Variants in MAN1C1 observed in about 807,000 individuals in gnomAD.
MAN1C1 encodes mannosidase alpha class 1C member 1, also known as mannosyl-oligosaccharide 1,2-alpha-mannosidase IC.
A neutral mutation model predicts 71.5 loss-of-function variants in MAN1C1; 49 were observed. That is an observed-to-expected ratio of 0.69 (90% CI 0.54 to 0.87). MAN1C1 has a LOEUF of 0.87. Ranked by LOEUF, MAN1C1 falls within the 40% of genes least tolerant of loss-of-function variation. The pLI is 0.00. For missense variants in MAN1C1, 743 were observed against 835.0 expected (o/e 0.89, Z 1.36); for synonymous variants, 352 against 343.7 (o/e 1.02, Z -0.27).
intron 6 of MAN1C1, chr1:25,761,620 C>CTTTTTCT (rs2047359614): frequency 1.0e-5 from 1 of 95,814 alleles, no homozygotes; most frequent in Non-Finnish European, 1.9e-5. Context: ...ACCTCTACTT[C>CTTTTTCT]TTTTTTTTTT....
chr1:25,701,798 G>A (rs2046447571), intron 2 of MAN1C1, among the ~76,000 whole-genome samples: 3 of 152,202 alleles, frequency 2.0e-5, no homozygotes, highest in Admixed American at 6.5e-5. Context: ...AGTGGCTCAC[G>A]CCTGCAATCC....
intron 2 of MAN1C1, among the ~76,000 whole-genome samples, chr1:25,744,483 C>A (rs1474078788): frequency 6.6e-6 from 1 of 152,088 alleles, no homozygotes; most frequent in Non-Finnish European, 1.5e-5. Context: ...TTGGCGAACT[C>A]CCTTCTGGTA....
intron 1 of MAN1C1, among the ~76,000 whole-genome samples, chr1:25,659,327 C>T (rs566652397): frequency 9.2e-5 from 14 of 152,170 alleles, no homozygotes; most frequent in Non-Finnish European, 1.3e-4. Context: ...CCTAGAAATA[C>T]GTCTCACCTG....
intron 1 of MAN1C1, among the ~76,000 whole-genome samples, chr1:25,637,938 TA>T (rs1223030364): frequency 6.6e-6 from 1 of 152,262 alleles, no homozygotes; most frequent in East Asian, 1.9e-4. Flanking sequence ...TCTTTGTATT[TA>T]AAATGTACCT....
At position 25,779,685 on chromosome 1, in the gene MAN1C1, G is replaced by A. The variant is rs576733094; in HGVS notation, c.1478-1255G>A. On this transcript the variant is annotated intron_variant, in intron 9 of 11. Coordinates refer to ENST00000374332, the MANE Select transcript of MAN1C1 (RefSeq NM_020379.4). The surrounding 1 kb of genome is among the most constrained non-coding windows in gnomAD (Gnocchi z 4.6). ...TGGCTCCTGCCTTCACCCCACTAGC[G>A]ACTTGGCAAAATGACTGTTTTCTGA... 7.9e-5 allele frequency among the ~76,000 whole-genome samples: 12 copies of A among 151,220 alleles called. No homozygotes were observed. The East Asian group carries it at 2.0e-3, about 25-fold the overall frequency.
intron 1 of MAN1C1, among the ~76,000 whole-genome samples, chr1:25,624,023 G>A (rs2045256428): frequency 6.6e-6 from 1 of 152,202 alleles, no homozygotes; most frequent in South Asian, 2.1e-4. Flanking sequence ...CAAACAATAA[G>A]CCCTGGTTCT....
chr1:25,704,049 C>T (rs1379570205), intron 2 of MAN1C1, among the ~76,000 whole-genome samples: 5 of 152,200 alleles, frequency 3.3e-5, no homozygotes, highest in Non-Finnish European at 7.3e-5. Flanking sequence ...CTTCTGGCTG[C>T]CTGTCCCTTC....
intron 1 of MAN1C1, among the ~76,000 whole-genome samples, chr1:25,669,246 G>A (rs993133623): frequency 1.3e-5 from 2 of 152,152 alleles, no homozygotes; most frequent in African/African-American, 4.8e-5. Context: ...GAAAATTCTG[G>A]TCTCTTGTTA....
intron 2 of MAN1C1, among the ~76,000 whole-genome samples, chr1:25,688,838 G>A (rs1022186716): frequency 1.3e-5 from 2 of 152,230 alleles, no homozygotes; most frequent in Non-Finnish European, 2.9e-5. Context: ...TATGATTTCT[G>A]TTGTAATAAA....
Position 25,617,864 on chromosome 1 carries a change from T to A in MAN1C1, c.67T>A (p.Phe23Ile), listed in dbSNP as rs200991813. Residue 23 changes from phenylalanine (F) to isoleucine (I), a missense_variant, in exon 1 of 12, where the codon TTC becomes ATC. Phe to Ile is a conservative substitution (Grantham distance 21). Transcript: ENST00000374332. This position sits in a 1 kb window ranked among gnomAD's most constrained non-coding sequence, Gnocchi z 5.1. ...GTGGGGGCTGCGGCTGCCGCAGAAGTTCCTCTTCCTCCTCTTCCTCTCGGG... is the reference window on the plus strand; with the variant it reads ...GTGGGGGCTGCGGCTGCCGCAGAAGATCCTCTTCCTCCTCTTCCTCTCGGG... Reference protein sequence around the residue: ...SPWGLRLPQKFLFLLFLSGLV... With the variant: ...SPWGLRLPQKILFLLFLSGLV... The A allele has an allele frequency of 4.4e-6, 7 of 1,606,360 alleles. No homozygotes were observed. The highest frequency in any genetic ancestry group is 5.1e-6 in the Non-Finnish European group (6 of 1,177,432).
At chr1:25,698,299 GT>G (rs1199845828) in intron 2 of MAN1C1, among the ~76,000 whole-genome samples, 2 of 152,160 alleles carry the variant, frequency 1.3e-5, no homozygotes, top group Non-Finnish European at 2.9e-5. Flanking sequence ...GGAGGCTTGG[GT>G]TCTTCAAACC....
intron 7 of MAN1C1, among the ~76,000 whole-genome samples, chr1:25,765,027 G>T (rs559733967): frequency 6.6e-6 from 1 of 151,966 alleles, no homozygotes; most frequent in Non-Finnish European, 1.5e-5. Context: ...CAACCTGGGC[G>T]ACAGAGCAAG....
At chr1:25,693,703 C>T (rs1438955245) in intron 2 of MAN1C1, among the ~76,000 whole-genome samples, 1 of 152,196 alleles carries the variant, frequency 6.6e-6, no homozygotes, top group East Asian at 1.9e-4. Context: ...GCCAAATGTA[C>T]TTGCAAAACA....
chr1:25,679,527 A>G (rs1376173449), intron 1 of MAN1C1, among the ~76,000 whole-genome samples: 1 of 151,566 alleles, frequency 6.6e-6, no homozygotes, highest in East Asian at 1.9e-4. Context: ...GGGTGAAAAT[A>G]ACAGCCTCCA....
chr1:25,709,998 G>T (rs2046593164), intron 2 of MAN1C1: 1 of 152,174 alleles, frequency 6.6e-6, no homozygotes, highest in South Asian at 2.1e-4. Flanking sequence ...TGCCTGCCTT[G>T]GCCTCCCAAA....
chr1:25,652,837 C>A (rs1268105441), intron 1 of MAN1C1, among the ~76,000 whole-genome samples: 4 of 152,198 alleles, frequency 2.6e-5, no homozygotes. Context: ...CTCACTGTAG[C>A]CTCAACCTCC....
At chr1:25,783,443 G>A (rs1049835203) in intron 11 of MAN1C1, among the ~76,000 whole-genome samples, 6 of 152,142 alleles carry the variant, frequency 3.9e-5, no homozygotes, top group Non-Finnish European at 8.8e-5. Context: ...GGTAAACTAA[G>A]TCCTTCTGAC....
chr1:25,783,610 C>T, intron 11 of MAN1C1, 53 bp from the exon 12 acceptor site: 1 of 1,593,708 alleles, frequency 6.3e-7, no homozygotes, highest in Non-Finnish European at 8.5e-7. Context: ...CACCCTTCTT[C>T]CCCAGGCCAC....
chr1:25,761,617 C>CTTTTTT (rs1557796953), intron 6 of MAN1C1: 4 of 80,198 alleles, frequency 5.0e-5, no homozygotes, highest in African/African-American at 2.0e-4. Context: ...TCTACCTCTA[C>CTTTTTT]TTCTTTTTTT....
Sources: allele counts gnomAD v4.1 joint callset (sites outside exome capture counted in the v4.1 genomes callset), GRCh38; gene constraint gnomAD v4.1.1; non-coding constraint Gnocchi (gnomAD v3.1); transcripts MANE v1.5; gene names NCBI Gene and HGNC (gene_info 2026-07-23, HGNC 2026-07-21).